The following LEF1 variants were observed in gnomAD, a reference collection of about 807,000 sequenced individuals.
The protein encoded by LEF1 is lymphoid enhancer-binding factor 1.
LEF1 carries 14 observed loss-of-function variants against 51.2 expected under a neutral mutation model. The ratio of observed to expected loss-of-function variants is 0.27; its 90% CI spans 0.18 to 0.43. The LOEUF is 0.43. LEF1 is among the 20% of genes least tolerant of loss of function. The pLI is 1.00. For missense variants in LEF1, 386 were observed against 512.0 expected, an observed-to-expected ratio of 0.75 and a Z score of 2.37; for synonymous variants, 185 against 183.2, an observed-to-expected ratio of 1.01 and a Z score of -0.08.
chr4:108,078,663 C>T (rs1027490419), intron 7 of LEF1, among the ~76,000 whole-genome samples: 1 of 152,110 alleles, frequency 6.6e-6, no homozygotes, highest in Non-Finnish European at 1.5e-5. Flanking sequence ...ACTATGAACA[C>T]CAAGTAGAAA....
At chr4:108,064,739 T>A (rs1036050166) in intron 9 of LEF1, among the ~76,000 whole-genome samples, 1 of 151,468 alleles carries the variant, frequency 6.6e-6, no homozygotes, top group Admixed American at 6.6e-5. Context: ...TCTCTCTCTC[T>A]CTCACACATA....
intron 4 of LEF1, among the ~76,000 whole-genome samples, chr4:108,084,407 T>C (rs1424413340): frequency 6.6e-6 from 1 of 152,252 alleles, no homozygotes; most frequent in Non-Finnish European, 1.5e-5. Context: ...TTAGTGACTG[T>C]AAATATTATA....
chr4:108,109,393 A>T (rs2110310637), intron 3 of LEF1, among the ~76,000 whole-genome samples: 1 of 152,352 alleles, frequency 6.6e-6, no homozygotes, highest in Non-Finnish European at 1.5e-5. Flanking sequence ...ATTAAGCATG[A>T]ACTCCAGAGA....
intron 3 of LEF1, among the ~76,000 whole-genome samples, chr4:108,109,297 C>T (rs367815785): frequency 5.9e-5 from 9 of 152,218 alleles, no homozygotes; most frequent in Admixed American, 1.3e-4. Context: ...AGAAGCTAAA[C>T]GCTGTTGACT....
chr4:108,155,095 T>C lies in LEF1; in HGVS notation c.414+8473A>G, dbSNP rs143548315. On this transcript the variant is annotated intron_variant, in intron 3 of 11. Transcript: ENST00000265165. ...ATACGGCTCCTGGATATCCTTTCTC[T>C]ATAATTTTTGCAGTAGAGAGAAAAC... is the stretch of plus-strand genomic sequence containing the variant. Among the ~76,000 whole-genome samples the C allele has an allele frequency of 5.6e-3, 860 of 152,246 alleles. 7 individuals carry two copies. The highest frequency in any genetic ancestry group is 0.019 in the African/African-American group (787 of 41,538).
intron 11 of LEF1, among the ~76,000 whole-genome samples, chr4:108,061,594 A>G (rs1445071786): frequency 6.6e-6 from 1 of 151,716 alleles, no homozygotes; most frequent in Non-Finnish European, 1.5e-5. Context: ...ACATGAAAAA[A>G]CTTTTGGCCA....
chr4:108,111,584 A>T (rs958513166), intron 3 of LEF1, among the ~76,000 whole-genome samples: 3 of 152,226 alleles, frequency 2.0e-5, no homozygotes, highest in Admixed American at 2.0e-4. Context: ...GAGGAAGAGT[A>T]AAGAAAAAAT....
At chr4:108,134,305 T>C (rs1396114443) in intron 3 of LEF1, among the ~76,000 whole-genome samples, 4 of 152,372 alleles carry the variant, frequency 2.6e-5, no homozygotes, top group South Asian at 4.1e-4. Context: ...CCTTCCACTA[T>C]TGGAAGACAG....
intron 3 of LEF1, among the ~76,000 whole-genome samples, chr4:108,118,924 C>G (rs929229265): frequency 4.6e-5 from 7 of 151,744 alleles, no homozygotes; most frequent in African/African-American, 1.7e-4. Context: ...AAAGCACCAA[C>G]TTTCTAACTA....
chr4:108,076,872 C>G (rs1738897224), intron 8 of LEF1, among the ~76,000 whole-genome samples: 1 of 151,238 alleles, frequency 6.6e-6, no homozygotes, highest in Non-Finnish European at 1.5e-5. Flanking sequence ...AAAAAAAATA[C>G]AAAAATTAGC....
At chr4:108,166,441 GGTTA>G in intron 1 of LEF1, 2 of 1,405,560 alleles carry the variant, frequency 1.4e-6, no homozygotes, top group Non-Finnish European at 1.8e-6. Flanking sequence ...AAAAGGCGTT[GGTTA>G]AATCATTCGG....
At chr4:108,079,725 C>G in intron 6 of LEF1, 111 bp from the exon 7 acceptor site, 1 of 1,020,940 alleles carries the variant, frequency 9.8e-7, no homozygotes, top group South Asian at 1.4e-5. Context: ...AAAAACACAT[C>G]TTTACGCACA....
At chr4:108,055,101 C>T (rs1184473747) in intron 11 of LEF1, among the ~76,000 whole-genome samples, 1 of 152,136 alleles carries the variant, frequency 6.6e-6, no homozygotes, top group Non-Finnish European at 1.5e-5. Context: ...CTTAAAATAG[C>T]ACATTTTAGC....
At chr4:108,130,138 C>T (rs899465322) in intron 3 of LEF1, among the ~76,000 whole-genome samples, 5 of 152,050 alleles carry the variant, frequency 3.3e-5, no homozygotes, top group African/African-American at 9.7e-5. Context: ...GCTAAAATAG[C>T]CCTTCAAATC....
At chr4:108,082,923 T>C (rs1180799201) in intron 5 of LEF1, among the ~76,000 whole-genome samples, 1 of 152,214 alleles carries the variant, frequency 6.6e-6, no homozygotes, top group Admixed American at 6.5e-5. Flanking sequence ...GTTGAATTTC[T>C]CTCTAGTTAT....
chr4:108,150,603 T>C (rs1744311532), intron 3 of LEF1, among the ~76,000 whole-genome samples: 1 of 152,212 alleles, frequency 6.6e-6, no homozygotes, highest in African/African-American at 2.4e-5. Context: ...GTTTATTGAC[T>C]AAGGATTACT....
Position 108,089,176 on chromosome 4 carries a change from A to T in LEF1, c.496T>A (p.Ser166Thr). The T allele has an allele frequency of 6.2e-7, 1 of 1,613,988 alleles. No individual in the cohort carries two copies. The highest frequency in any genetic ancestry group is 8.5e-7 in the Non-Finnish European group (1 of 1,179,984). The change falls in exon 4 of 12, where the codon TCT becomes ACT. Residue 166 changes from serine (S) to threonine (T), a missense_variant. By Grantham distance (58) the Ser-to-Thr change is moderately conservative. This residue lies in a region of LEF1 where 335 missense variants were observed against 390.7 expected (regional missense o/e 0.86). Transcript: ENST00000265165. The part of the protein sequence containing the change: ...PLITYSDEHF[S>T]PGSHPSHIPS... ...ATGTGTGACGGGTGTGATCCTGGAG[A>T]AAAGTGCTCGTCACTGTAAGTGATG...
chr4:108,106,683 C>T (rs146985361), intron 3 of LEF1, among the ~76,000 whole-genome samples: 19 of 152,222 alleles, frequency 1.2e-4, no homozygotes, highest in African/African-American at 3.9e-4. Flanking sequence ...CTTCTGGTTC[C>T]GAGCCATCCC....
intron 3 of LEF1, among the ~76,000 whole-genome samples, chr4:108,117,995 TA>T: frequency 6.6e-6 from 1 of 152,364 alleles, no homozygotes; most frequent in Non-Finnish European, 1.5e-5. Flanking sequence ...CTATGCTAAA[TA>T]AATGTTCAGT....
Sources: allele counts gnomAD v4.1 joint callset (sites outside exome capture counted in the v4.1 genomes callset), GRCh38; gene constraint gnomAD v4.1.1; regional missense constraint gnomAD v4.1.1; transcripts MANE v1.5; gene names NCBI Gene and HGNC (gene_info 2026-07-23, HGNC 2026-07-21).